The following CCSER1 variants were observed in gnomAD, a reference collection of about 807,000 sequenced individuals.
CCSER1 encodes the protein serine-rich coiled-coil domain-containing protein 1.
Under a neutral mutation model 82.0 loss-of-function variants are expected in CCSER1, and 41 were observed. That is an observed-to-expected ratio of 0.50 (90% CI 0.39 to 0.65). The LOEUF is 0.65. Among genes scored for constraint, CCSER1 ranks in the 30% least tolerant of loss-of-function variants. The pLI, the probability that CCSER1 is intolerant of heterozygous loss-of-function variation, is 0.00. For synonymous variants in CCSER1, 414 were observed against 383.9 expected, an observed-to-expected ratio of 1.08 and a Z score of -0.92; for missense variants, 1,119 against 1,064.2, an observed-to-expected ratio of 1.05 and a Z score of -0.72.
intron 3 of CCSER1, among the ~76,000 whole-genome samples, chr4:90,371,401 G>A (rs544059204): frequency 6.6e-6 from 1 of 151,920 alleles, no homozygotes; most frequent in African/African-American, 2.4e-5. Context: ...CAAATATATT[G>A]CTATGCCTTA....
At chr4:90,798,447 C>T (rs2149688807) in intron 7 of CCSER1, among the ~76,000 whole-genome samples, 1 of 151,392 alleles carries the variant, frequency 6.6e-6, no homozygotes, top group South Asian at 2.1e-4. Context: ...GATCTTCATT[C>T]ATATCCATAT....
At chr4:90,517,258 T>C (rs1055829514) in intron 5 of CCSER1, among the ~76,000 whole-genome samples, 3 of 152,224 alleles carry the variant, frequency 2.0e-5, no homozygotes, top group Non-Finnish European at 2.9e-5. Flanking sequence ...GTACGACTTC[T>C]ACTGAGTGTG....
chr4:90,175,848 AGT>A (rs1329775227), intron 1 of CCSER1, among the ~76,000 whole-genome samples: 1 of 151,980 alleles, frequency 6.6e-6, no homozygotes, highest in Non-Finnish European at 1.5e-5. Flanking sequence ...TACTCAAAAG[AGT>A]GTGAGAGAGA....
intron 10 of CCSER1, among the ~76,000 whole-genome samples, chr4:91,536,963 G>A (rs529201230): frequency 1.3e-5 from 2 of 151,848 alleles, no homozygotes; most frequent in South Asian, 2.1e-4. Context: ...GGAATCCCTG[G>A]GATTAGTGGG....
chr4:90,874,648 A>G (rs999409162), intron 8 of CCSER1, among the ~76,000 whole-genome samples: 3 of 152,176 alleles, frequency 2.0e-5, no homozygotes, highest in African/African-American at 7.2e-5. Context: ...CTTATAGATG[A>G]CTTTTGTATT....
intron 1 of CCSER1, among the ~76,000 whole-genome samples, chr4:90,207,050 C>T (rs1738991510): frequency 6.6e-6 from 1 of 151,868 alleles, no homozygotes; most frequent in Non-Finnish European, 1.5e-5. Flanking sequence ...AATTATTCCT[C>T]CATCCCTTTA....
intron 9 of CCSER1, among the ~76,000 whole-genome samples, chr4:91,029,922 A>G (rs539605088): frequency 4.6e-5 from 7 of 152,278 alleles, no homozygotes; most frequent in Admixed American, 1.3e-4. Flanking sequence ...AAAATGTACC[A>G]CTAAAATATT....
intron 9 of CCSER1, among the ~76,000 whole-genome samples, chr4:91,056,200 G>T (rs1356279601): frequency 6.6e-6 from 1 of 151,718 alleles, no homozygotes; most frequent in Non-Finnish European, 1.5e-5. Context: ...GACCATTTTT[G>T]TTGGTTTGTT....
chr4:90,700,746 TGAGCATTTG>T (rs1172861493), intron 6 of CCSER1, among the ~76,000 whole-genome samples: 1 of 152,276 alleles, frequency 6.6e-6, no homozygotes, highest in Non-Finnish European at 1.5e-5. Context: ...CCAGTGATGA[TGAGCATTTG>T]TTCATGTGTC....
intron 5 of CCSER1, among the ~76,000 whole-genome samples, chr4:90,515,184 A>T (rs1953512200): frequency 6.6e-6 from 1 of 152,200 alleles, no homozygotes; most frequent in Non-Finnish European, 1.5e-5. Flanking sequence ...TATACAATTA[A>T]TAGTTATTTC....
chr4:91,182,670 A>G (rs1734152814), intron 10 of CCSER1, among the ~76,000 whole-genome samples: 1 of 152,368 alleles, frequency 6.6e-6, no homozygotes, highest in East Asian at 1.9e-4. Flanking sequence ...CTGTTTTAAT[A>G]GAAGCTGGAA....
chr4:90,751,905 T>C (rs1162435115), intron 7 of CCSER1, among the ~76,000 whole-genome samples: 8 of 152,122 alleles, frequency 5.3e-5, no homozygotes, highest in Non-Finnish European at 4.4e-5. Context: ...TTTTAAGTTA[T>C]AAGTCTATTA....
intron 3 of CCSER1, among the ~76,000 whole-genome samples, chr4:90,377,305 T>C (rs1748495044): frequency 6.6e-6 from 1 of 152,198 alleles, no homozygotes; most frequent in Non-Finnish European, 1.5e-5. Flanking sequence ...GGGGATTCTA[T>C]TCCACCAACA....
At chr4:91,488,361 T>A (rs575698781) in intron 10 of CCSER1, among the ~76,000 whole-genome samples, 25 of 152,336 alleles carry the variant, frequency 1.6e-4, no homozygotes, top group African/African-American at 5.8e-4. Context: ...TACCAAATAA[T>A]GATAGAAATT....
intron 5 of CCSER1, among the ~76,000 whole-genome samples, chr4:90,595,442 G>T (rs1783215340): frequency 6.6e-6 from 1 of 151,958 alleles, no homozygotes; most frequent in Admixed American, 6.6e-5. Context: ...TAAACATATG[G>T]AAGGAATTCT....
chr4:90,771,831 A>G (rs1223944497), intron 7 of CCSER1, among the ~76,000 whole-genome samples: 1 of 151,852 alleles, frequency 6.6e-6, no homozygotes, highest in Non-Finnish European at 1.5e-5. Flanking sequence ...TCCTGTTACT[A>G]TTTCTCCAAT....
intron 10 of CCSER1, among the ~76,000 whole-genome samples, chr4:91,424,004 T>TTA (rs1363394638): frequency 2.4e-5 from 3 of 123,056 alleles, no homozygotes; most frequent in Non-Finnish European, 5.0e-5. Context: ...AGCAGATCTT[T>TTA]TTTTTTTTTT....
intron 10 of CCSER1, chr4:91,129,722 A>G (rs994424310): frequency 2.6e-5 from 4 of 152,088 alleles, no homozygotes; most frequent in African/African-American, 9.7e-5. Context: ...AAATTTAGCA[A>G]CACTATTAAC....
intron 10 of CCSER1, among the ~76,000 whole-genome samples, chr4:91,462,752 CGCTCATTGCTA>C (rs1756583792): frequency 6.6e-6 from 1 of 152,126 alleles, no homozygotes; most frequent in South Asian, 2.1e-4. Context: ...CACGGAGCCT[CGCTCATTGCTA>C]GCACAGCAGT....
Sources: gnomAD v4.1 joint callset for allele counts (sites outside exome capture counted in the v4.1 genomes callset) on GRCh38, gnomAD v4.1.1 for gene constraint, MANE v1.5 for transcripts, NCBI Gene and HGNC (gene_info 2026-07-23, HGNC 2026-07-21) for gene names.